SCN1A: variants seen among roughly 807,000 people sequenced by gnomAD.
SCN1A encodes sodium voltage-gated channel alpha subunit 1.
SCN1A carries 13 observed loss-of-function variants against 193.7 expected under a neutral mutation model. That is an observed-to-expected ratio of 0.07 (90% confidence interval 0.04 to 0.11). The LOEUF (loss-of-function observed/expected upper bound fraction) is 0.11, where lower values mean the gene tolerates loss of function less well. SCN1A is among the 10% of genes least tolerant of loss of function. The pLI, the probability that SCN1A is intolerant of heterozygous loss-of-function variation, is 1.00. For synonymous variants in SCN1A, 781 were observed against 843.6 expected (o/e 0.93, Z 1.29); for missense variants, 1,432 against 2,451.1 (o/e 0.58, Z 8.78).
At chr2:166,024,199 G>T (rs1010907637) in intron 19 of SCN1A, among the ~76,000 whole-genome samples, 1 of 151,954 alleles carries the variant, frequency 6.6e-6, no homozygotes, top group South Asian at 2.1e-4. Flanking sequence ...GCACTCTGGC[G>T]TGGATGACCG....
intron 19 of SCN1A, among the ~76,000 whole-genome samples, chr2:166,034,871 C>T (rs540432091): frequency 3.3e-5 from 5 of 152,204 alleles, no homozygotes; most frequent in East Asian, 1.9e-4. Flanking sequence ...CATGTGAGGA[C>T]GCAGCAAGGA....
Position 166,044,000 on chromosome 2 carries a change from C to T in SCN1A, c.1712G>A (p.Arg571Lys), listed in dbSNP as rs1697493699. 3.1e-6 allele frequency: 5 copies of T among 1,614,170 alleles called. No individual in the cohort carries two copies. The South Asian group carries it at 3.3e-5, about 11-fold the overall frequency. The change falls in exon 14 of 29, where the codon AGA (arginine) becomes AAA (lysine). Residue 571 changes from arginine (R) to lysine (K), a missense_variant. By Grantham distance (26) the Arg-to-Lys change is conservative (BLOSUM62 2). Coordinates refer to ENST00000674923, the MANE Select transcript of SCN1A (RefSeq NM_001165963.4). ...CCCTCTAAAGCTGAAAAGGCTTGTT[C>T]TGCTATTTCGCCTTGGTGAAAATAG... ...GSLFSPRRNS[R>K]TSLFSFRGRA...
In SCN1A at chr2:165,991,480, T is replaced by C. The variant is rs979985807; in HGVS notation, c.5795A>G (p.Lys1932Arg). ...IQRAYRRHLL[K>R]RTVKQASFTY... is the part of the protein sequence containing the mutation. ...AAAGGAAGCTTGTTTTACAGTTCGC[T>C]TTAAAAGGTGGCGTCTGTAAGCACG... The change falls in exon 29 of 29, where the codon AAG (lysine) becomes AGG (arginine). Residue 1932 changes from lysine (K) to arginine (R), a missense_variant. This residue lies in a region of SCN1A where 148 missense variants were observed against 160.3 expected (regional missense o/e 0.92). Transcript: ENST00000674923. 6.8e-6 allele frequency: 11 copies of C among 1,613,952 alleles called. No individual in the cohort carries two copies. The highest frequency in any genetic ancestry group is 9.3e-6 in the Non-Finnish European group (11 of 1,179,892).
intron 2 of SCN1A, among the ~76,000 whole-genome samples, chr2:166,116,216 G>A (rs1270013070): frequency 6.6e-6 from 1 of 152,220 alleles, no homozygotes; most frequent in African/African-American, 2.4e-5. Context: ...GTAGTATGGA[G>A]ATCAGGTTCT....
chr2:166,026,811 G>A (rs1694843464), intron 19 of SCN1A, among the ~76,000 whole-genome samples: 1 of 150,004 alleles, frequency 6.7e-6, no homozygotes, highest in African/African-American at 2.5e-5. Flanking sequence ...AGCCTCCCAA[G>A]TAGCTGGGAC....
rs1439675660 is a variant in SCN1A at position 166,127,831 on chromosome 2, A to T, written c.-289T>A. On this transcript the variant is annotated 5_prime_UTR_variant, in exon 1 of 29. Transcript: ENST00000674923. ...AACAGCATCACCCAAAGACGAGATG[A>T]TAACAATGTGCCTTCAGTTGCAATT... 1 of 152,194 alleles carries T rather than the reference A, an allele frequency of 6.6e-6. No individual in the cohort carries two copies. Among genetic ancestry groups the T allele is most frequent in the Non-Finnish European group, 1.5e-5 (1 of 68,034 alleles). 9.4% of individuals were successfully genotyped at this position (152,194 alleles called of 1,614,324 possible). A position where few individuals can be genotyped will look rare whatever the true frequency, so the allele number is the denominator to read the frequency against.
intron 19 of SCN1A, among the ~76,000 whole-genome samples, chr2:166,027,867 A>C (rs1695016043): frequency 6.6e-6 from 1 of 152,132 alleles, no homozygotes; most frequent in South Asian, 2.1e-4. Flanking sequence ...ACCCCTATTA[A>C]AGACTCTCAA....
intron 4 of SCN1A, among the ~76,000 whole-genome samples, chr2:166,063,584 C>T (rs1683541508): frequency 6.6e-6 from 1 of 151,962 alleles, no homozygotes; most frequent in Non-Finnish European, 1.5e-5. Context: ...AGATGCTCAA[C>T]TATTTGTTTT....
intron 2 of SCN1A, among the ~76,000 whole-genome samples, chr2:166,103,925 A>G (rs1034034135): frequency 6.6e-6 from 1 of 152,218 alleles, no homozygotes; most frequent in Non-Finnish European, 1.5e-5. Flanking sequence ...TAGCTAGAGC[A>G]GTGTATAGCT....
At position 166,002,612 on chromosome 2, in the gene SCN1A, C is replaced by T. The variant is rs2105509153; in HGVS notation, c.4144G>A (p.Gly1382Ser). Residue 1382 changes from glycine (G) to serine (S), a missense_variant, in exon 24 of 29, where the codon GGT becomes AGT. By Grantham distance (56) the Gly-to-Ser change is moderately conservative. Transcript: ENST00000674923. ...ACGTCTTCGATGTCAAACCTGTCAC[C>T]AGTTGTGGTGTTAATACAGTGGTAG... is the stretch of plus-strand genomic sequence containing the variant. ...KFYHCINTTT[G>S]DRFDIEDVNN... 3.1e-6 allele frequency: 5 copies of T among 1,611,994 alleles called. No individual in the cohort carries two copies. The highest frequency in any genetic ancestry group is 4.2e-6 in the Non-Finnish European group (5 of 1,178,792).
In SCN1A at chr2:165,996,124, A is replaced by C. The variant is rs2105462945; in HGVS notation, c.4477-7T>G. ...AGATGTCTTGACCTCCAAAGTATAG[A>C]AAAGAAAAATCAAACTGGTTAAAAC... On this transcript the variant is annotated splice_region_variant and splice_polypyrimidine_tract_variant and intron_variant, in intron 26 of 28. Coordinates refer to ENST00000674923, the MANE Select transcript of SCN1A (RefSeq NM_001165963.4). 21 of 1,558,024 alleles carry C rather than the reference A, an allele frequency of 1.3e-5. No homozygotes were observed. Among genetic ancestry groups the C allele is most frequent in the Non-Finnish European group, 1.9e-5 (21 of 1,131,316 alleles).
intron 1 of SCN1A, among the ~76,000 whole-genome samples, chr2:166,136,522 T>G (rs961486610): frequency 5.3e-5 from 8 of 152,204 alleles, no homozygotes; most frequent in African/African-American, 1.9e-4. Flanking sequence ...CAGCAGTAGC[T>G]TTATATGTAT....
At chr2:166,116,495 G>A (rs1360751489) in intron 2 of SCN1A, among the ~76,000 whole-genome samples, 1 of 152,132 alleles carries the variant, frequency 6.6e-6, no homozygotes, top group Non-Finnish European at 1.5e-5. Context: ...AATTCTGGGG[G>A]ACTCAATTAT....
intron 19 of SCN1A, among the ~76,000 whole-genome samples, chr2:166,028,457 ATATC>A (rs1231579742): frequency 1.3e-5 from 2 of 152,156 alleles, no homozygotes; most frequent in East Asian, 1.9e-4. Context: ...AATAAACTGT[ATATC>A]TATATAATGA....
intron 2 of SCN1A, among the ~76,000 whole-genome samples, chr2:166,078,197 C>A (rs1188841164): frequency 6.6e-6 from 1 of 151,674 alleles, no homozygotes; most frequent in African/African-American, 2.4e-5. Context: ...TTGGGTTCAT[C>A]AGTTGTAACT....
chr2:166,022,198 G>C (rs536660537), intron 19 of SCN1A, among the ~76,000 whole-genome samples: 2 of 152,112 alleles, frequency 1.3e-5, no homozygotes, highest in Non-Finnish European at 2.9e-5. Flanking sequence ...TATGTGTGGT[G>C]AATATAGGGG....
intron 4 of SCN1A, among the ~76,000 whole-genome samples, chr2:166,059,737 CATAA>C (rs1303750962): frequency 6.6e-6 from 1 of 152,162 alleles, no homozygotes; most frequent in Admixed American, 6.6e-5. Flanking sequence ...ATACAGCAAG[CATAA>C]ATGTTATGTT....
intron 19 of SCN1A, chr2:166,016,227 T>A (rs952428511): frequency 1.8e-5 from 3 of 162,352 alleles, no homozygotes; most frequent in Non-Finnish European, 4.1e-5. Flanking sequence ...GTTAAGGTGT[T>A]CAGAGTTATT....
chr2:166,033,521 T>C (rs1234513122), intron 19 of SCN1A, among the ~76,000 whole-genome samples: 2 of 151,598 alleles, frequency 1.3e-5, no homozygotes, highest in Admixed American at 6.6e-5. Flanking sequence ...AAAAAAAAAC[T>C]GGCCTATTAA....
Sources: allele counts gnomAD v4.1 joint callset (sites outside exome capture counted in the v4.1 genomes callset), GRCh38; gene constraint gnomAD v4.1.1; regional missense constraint gnomAD v4.1.1; transcripts MANE v1.5; gene names NCBI Gene and HGNC (gene_info 2026-07-23, HGNC 2026-07-21).